Variants in PARP4 observed in about 807,000 individuals in gnomAD.
PARP4 encodes the protein protein mono-ADP-ribosyltransferase PARP4.
A neutral mutation model predicts 187.7 loss-of-function variants in PARP4; 120 were observed. That is an observed-to-expected ratio of 0.64 (90% CI 0.55 to 0.74). The LOEUF (loss-of-function observed/expected upper bound fraction) is 0.74. Among genes scored for constraint, PARP4 ranks in the 30% least tolerant of loss-of-function variants. PARP4 has a pLI of 0.00. For missense variants in PARP4, 1,836 were observed against 2,070.5 expected, an observed-to-expected ratio of 0.89 and a Z score of 2.20; for synonymous variants, 654 against 740.9, an observed-to-expected ratio of 0.88 and a Z score of 1.90.
In PARP4 at chr13:24,421,127, G is replaced by A. The variant is rs1411160485; in HGVS notation, c.5167C>T (p.Gln1723Ter). ...ATTCAGTTTCATTTGACTTAGCCTT[G>A]ACTGTAATGGAGGACTCTATGAAGA... Reference protein sequence around the residue: ...SPLHRVLHYSQG With the variant: ...SPLHRVLHYS The change falls in exon 34 of 34, where the codon CAA becomes TAA. Residue 1723 changes from glutamine to a stop codon, truncating the protein, a stop_gained. Transcript: ENST00000381989. LOFTEE classifies it high-confidence loss of function. 2 of 1,428,334 alleles carry A rather than the reference G, an allele frequency of 1.4e-6. No individual in the cohort carries two copies. The highest frequency in any genetic ancestry group is 1.4e-5 in the African/African-American group (1 of 69,218). 88.5% of individuals were successfully genotyped at this position (1,428,334 alleles called of 1,614,324 possible).
chr13:24,512,598 C>T (rs560748841), intron 1 of PARP4, 108 bp downstream of exon 1: 1 of 152,448 alleles, frequency 6.6e-6, no homozygotes, highest in Non-Finnish European at 1.5e-5. Context: ...AGCGCCAACG[C>T]CGCGCAGGGC....
intron 32 of PARP4, among the ~76,000 whole-genome samples, 174 bp from the exon 33 acceptor site, chr13:24,426,772 G>A (rs1383031347): frequency 1.3e-5 from 2 of 151,104 alleles, no homozygotes; most frequent in Non-Finnish European, 2.9e-5. Context: ...GGCACCTGTA[G>A]TCCCAGCTAC....
intron 15 of PARP4, among the ~76,000 whole-genome samples, chr13:24,471,021 TC>T (rs1306686163): frequency 6.6e-6 from 1 of 152,148 alleles, no homozygotes; most frequent in African/African-American, 2.4e-5. Flanking sequence ...CAAACGTGCG[TC>T]CTGGAGTTTC....
At chr13:24,438,523 T>C (rs1265071335) in intron 30 of PARP4, among the ~76,000 whole-genome samples, 1 of 152,220 alleles carries the variant, frequency 6.6e-6, no homozygotes, top group Non-Finnish European at 1.5e-5. Context: ...ATTTTACAAA[T>C]GATTTACTTT....
At chr13:24,477,267 G>C (rs993592117) in intron 14 of PARP4, among the ~76,000 whole-genome samples, 12 of 152,176 alleles carry the variant, frequency 7.9e-5, no homozygotes, top group African/African-American at 2.6e-4. Flanking sequence ...ATCGCTTAAT[G>C]CCAGGAATTT....
At chr13:24,433,283 G>A (rs891487503) in intron 31 of PARP4, among the ~76,000 whole-genome samples, 1 of 152,096 alleles carries the variant, frequency 6.6e-6, no homozygotes, top group African/African-American at 2.4e-5. Context: ...TTTCTTTGTT[G>A]GATTATCAAT....
chr13:24,477,225 A>G (rs1003426695), intron 14 of PARP4, among the ~76,000 whole-genome samples: 2 of 152,168 alleles, frequency 1.3e-5, no homozygotes, highest in Non-Finnish European at 2.9e-5. Flanking sequence ...CATATCTGTA[A>G]TCCCAGCATT....
chr13:24,500,066 A>C (rs1483293050), intron 4 of PARP4, among the ~76,000 whole-genome samples: 1 of 150,984 alleles, frequency 6.6e-6, no homozygotes, highest in Admixed American at 6.6e-5. Context: ...TAAAAAAAAA[A>C]CCCACTGGTT....
chr13:24,441,223 C>T (rs1870909872), intron 30 of PARP4, among the ~76,000 whole-genome samples: 1 of 152,160 alleles, frequency 6.6e-6, no homozygotes, highest in Admixed American at 6.5e-5. Context: ...AGGCTGGTCT[C>T]AAACTCCTGG....
intron 1 of PARP4, among the ~76,000 whole-genome samples, chr13:24,504,878 G>C (rs956640598): frequency 1.3e-5 from 2 of 151,532 alleles, no homozygotes; most frequent in South Asian, 2.1e-4. Flanking sequence ...ATTTTTAGTA[G>C]AGTCGGGGGT....
intron 24 of PARP4, among the ~76,000 whole-genome samples, chr13:24,450,805 CAG>C (rs1283939458): frequency 2.6e-5 from 4 of 152,222 alleles, no homozygotes; most frequent in Non-Finnish European, 5.9e-5. Context: ...TGCTAACTGG[CAG>C]AGTCTCCTCT....
intron 17 of PARP4, among the ~76,000 whole-genome samples, chr13:24,468,273 T>C (rs1872573155): frequency 2.0e-5 from 3 of 152,184 alleles, no homozygotes; most frequent in Admixed American, 6.5e-5. Context: ...ACGTCCCTGC[T>C]AAAGCTAATC....
intron 33 of PARP4, among the ~76,000 whole-genome samples, chr13:24,424,453 T>C (rs1300315235): frequency 6.6e-6 from 1 of 152,196 alleles, no homozygotes; most frequent in Non-Finnish European, 1.5e-5. Flanking sequence ...AAGTAACATG[T>C]TCCTCTATTC....
Position 24,494,657 on chromosome 13 carries a change from A to G in PARP4, c.657T>C (p.Ile219=). The G allele has an allele frequency of 1.2e-6, 2 of 1,609,616 alleles. No homozygotes were observed. The highest frequency in any genetic ancestry group is 1.7e-6 in the Non-Finnish European group (2 of 1,176,358). The change falls in exon 7 of 34, where the codon ATT becomes ATC. Residue 219 remains isoleucine, a synonymous_variant. Transcript: ENST00000381989. The part of the protein sequence containing the change: ...EDASEYFENY[I]EELKKQGFLL... ...GAAATCCTTGTTTCTTCAGTTCTTC[A>G]ATGTAATTTTCAAAGTATTCACTTG...
intron 31 of PARP4, among the ~76,000 whole-genome samples, chr13:24,434,092 C>T (rs1870478471): frequency 1.3e-5 from 2 of 152,208 alleles, no homozygotes; most frequent in African/African-American, 4.8e-5. Context: ...CTCACCCCAT[C>T]ATCTGTTCAG....
chr13:24,482,856 T>A lies in PARP4; in HGVS notation c.1448+1797A>T, dbSNP rs143867301. On this transcript the variant is annotated intron_variant, in intron 12 of 33. Transcript: ENST00000381989. ...TCTAATAACTTTTCATCCACTAAGG[T>A]CCTAAGGCTCATCCATTTGACATGT... Among the ~76,000 whole-genome samples the A allele has an allele frequency of 1.6e-4, 24 of 152,182 alleles. No homozygotes were observed. The East Asian group carries it at 4.1e-3, about 26-fold the overall frequency.
intron 12 of PARP4, among the ~76,000 whole-genome samples, chr13:24,483,830 T>C (rs1170730900): frequency 6.6e-6 from 1 of 152,200 alleles, no homozygotes; most frequent in Non-Finnish European, 1.5e-5. Flanking sequence ...TTTCGCCACA[T>C]TGGCCAGGCT....
At chr13:24,425,569 G>GTGTATATCTATATC (rs1491353761) in intron 33 of PARP4, among the ~76,000 whole-genome samples, 18 of 136,730 alleles carry the variant, frequency 1.3e-4, no homozygotes, top group Non-Finnish European at 2.5e-4. Flanking sequence ...GTGTGTGTGT[G>GTGTATATCTATATC]TATATCTATA....
chr13:24,469,286 C>G (rs551653891), intron 16 of PARP4, among the ~76,000 whole-genome samples, 176 bp from the exon 17 acceptor site: 24 of 152,216 alleles, frequency 1.6e-4, no homozygotes, highest in East Asian at 9.6e-4. Context: ...AGAACTTGAA[C>G]CAGAAAAGGC....
Sources: gnomAD v4.1 joint callset for allele counts (sites outside exome capture counted in the v4.1 genomes callset) on GRCh38, gnomAD v4.1.1 for gene constraint, MANE v1.5 for transcripts, NCBI Gene and HGNC (gene_info 2026-07-23, HGNC 2026-07-21) for gene names.